The following CCPG1 variants were observed in gnomAD, a reference collection of about 807,000 sequenced individuals.
CCPG1 encodes cell cycle progression 1, also known as cell cycle progression protein 1.
A neutral mutation model predicts 81.3 loss-of-function variants in CCPG1; 46 were observed. The ratio of observed to expected loss-of-function variants is 0.57; its 90% CI spans 0.45 to 0.72. The LOEUF (loss-of-function observed/expected upper bound fraction) is 0.72, where lower values mean the gene tolerates loss of function less well. CCPG1 is among the 30% of genes least tolerant of loss of function. CCPG1 has a pLI of 0.00. For synonymous variants in CCPG1, 330 were observed against 305.2 expected (o/e 1.08, Z -0.85); for missense variants, 902 against 937.6 (o/e 0.96, Z 0.50).
intron 6 of CCPG1, among the ~76,000 whole-genome samples, chr15:55,367,406 T>G (rs1007392184): frequency 2.1e-4 from 31 of 151,052 alleles, no homozygotes; most frequent in Non-Finnish European, 3.8e-4. Context: ...CACTTGGGGG[T>G]TTTTCCTGCA....
chr15:55,378,816 C>G (rs1223628719), intron 3 of CCPG1, among the ~76,000 whole-genome samples: 1 of 152,028 alleles, frequency 6.6e-6, no homozygotes, highest in Non-Finnish European at 1.5e-5. Context: ...AGGCTGGTCT[C>G]GAACTCCTGA....
At chr15:55,361,522 G>A (rs759120568) in intron 7 of CCPG1, among the ~76,000 whole-genome samples, 1 of 151,248 alleles carries the variant, frequency 6.6e-6, no homozygotes, top group Non-Finnish European at 1.5e-5. Context: ...CCTGGCCTAC[G>A]TGGTGAAACC....
Position 55,359,916 on chromosome 15 carries a change from T to C in CCPG1, c.1857A>G (p.Arg619=). Residue 619 remains arginine (R), a synonymous_variant, in exon 8 of 9, where the codon AGA becomes AGG. Coordinates refer to ENST00000442196, the MANE Select transcript of CCPG1 (RefSeq NM_001204450.2). ...CCTTTCTGAAAGAATGAGAATTTTC[T>C]CTACAATCATGCCCAGGACTGCATT... is the stretch of plus-strand genomic sequence containing the variant. The part of the protein sequence containing the change: ...SKKCSPGHDC[R]ENSHSFRKAC... 3 of 1,613,816 alleles carry C rather than the reference T, an allele frequency of 1.9e-6. No homozygotes were observed. The highest frequency in any genetic ancestry group is 2.5e-6 in the Non-Finnish European group (3 of 1,179,992).
intron 6 of CCPG1, 124 bp from the exon 7 acceptor site, chr15:55,365,433 T>G (rs1216124779): frequency 2.2e-4 from 118 of 547,622 alleles, no homozygotes; most frequent in East Asian, 3.8e-4. Context: ...TTTTTTTTTG[T>G]TTTTTTTTTG....
rs762276076 is a variant in CCPG1, at chr15:55,360,025, T to C, written c.1748A>G (p.Asn583Ser). Residue 583 changes from asparagine (N) to serine (S), a missense_variant, in exon 8 of 9, where the codon AAT (asparagine) becomes AGT (serine). Asn to Ser is a conservative substitution (Grantham distance 46). Coordinates refer to ENST00000442196, the MANE Select transcript of CCPG1 (RefSeq NM_001204450.2). ...QYKAPTENHH[N>S]RGPTMQNDGR... ...ATCATTTTGCATAGTAGGGCCTCTA[T>C]TATGATGGTTTTCTGTAGGTGCCTT... 2 of 1,613,610 alleles carry C rather than the reference T, an allele frequency of 1.2e-6. No homozygotes were observed. Among genetic ancestry groups the C allele is most frequent in the South Asian group, 1.1e-5 (1 of 91,022 alleles).
chr15:55,377,763 A>C (rs1209263217), intron 4 of CCPG1, among the ~76,000 whole-genome samples: 1 of 152,216 alleles, frequency 6.6e-6, no homozygotes, highest in Non-Finnish European at 1.5e-5. Context: ...TGTAGCAACA[A>C]AATGCCATTT....
intron 1 of CCPG1, among the ~76,000 whole-genome samples, chr15:55,401,623 G>A (rs939722011): frequency 6.7e-6 from 1 of 149,164 alleles, no homozygotes; most frequent in Admixed American, 6.7e-5. Flanking sequence ...CCGAGACCAC[G>A]CCATTTCACT....
At chr15:55,383,823 A>G (rs1359780684) in intron 3 of CCPG1, among the ~76,000 whole-genome samples, 4 of 152,210 alleles carry the variant, frequency 2.6e-5, no homozygotes, top group Non-Finnish European at 4.4e-5. Context: ...CTTGTTCTGG[A>G]TTAGGCTATG....
intron 5 of CCPG1, chr15:55,373,105 G>A: frequency 6.4e-6 from 3 of 466,200 alleles, no homozygotes; most frequent in South Asian, 1.7e-5. Context: ...AAACTAGTGG[G>A]GAAAATTTGC....
chr15:55,366,661 A>T (rs1278716718), intron 6 of CCPG1, among the ~76,000 whole-genome samples: 1 of 152,058 alleles, frequency 6.6e-6, no homozygotes, highest in East Asian at 1.9e-4. Flanking sequence ...AATCCCAGCT[A>T]CTCGGGAGGC....
At chr15:55,401,789 TTAAGAG>T (rs1188042412) in intron 1 of CCPG1, among the ~76,000 whole-genome samples, 1 of 152,154 alleles carries the variant, frequency 6.6e-6, no homozygotes, top group South Asian at 2.1e-4. Flanking sequence ...CTGCCCAACT[TTAAGAG>T]TAAGTATTCT....
intron 4 of CCPG1, 128 bp downstream of exon 4, chr15:55,378,172 C>T (rs191695785): frequency 1.8e-6 from 1 of 548,072 alleles, no homozygotes; most frequent in East Asian, 3.2e-5. Flanking sequence ...TCTAAGACAT[C>T]TAACTTAGAA....
At chr15:55,378,254 A>T in intron 4 of CCPG1, 46 bp downstream of exon 4, 32 of 1,119,716 alleles carry the variant, frequency 2.9e-5, no homozygotes, top group Non-Finnish European at 4.0e-5. Context: ...ATAGTATTCT[A>T]AGGATACTAT....
At chr15:55,392,210 A>ATTT (rs35816626) in intron 1 of CCPG1, among the ~76,000 whole-genome samples, 1 of 123,008 alleles carries the variant, frequency 8.1e-6, no homozygotes, top group African/African-American at 3.0e-5. Context: ...ATCAGATTTG[A>ATTT]TTTTTTTTTT....
chr15:55,369,935 A>G (rs2056412708), intron 6 of CCPG1, among the ~76,000 whole-genome samples: 1 of 152,198 alleles, frequency 6.6e-6, no homozygotes, highest in African/African-American at 2.4e-5. Context: ...TGTTACCCTC[A>G]TGTTTACTTG....
In CCPG1 at chr15:55,371,860, A is replaced by G. The variant is rs201907238; in HGVS notation, c.639T>C (p.Ser213=). ...SKELSKRQFS[S]GLNKCVILAL... ...CAAGTATAACACACTTATTGAGACC[A>G]CTACTGAACTGACGTTTACTCAACT... The change falls in exon 6 of 9, where the codon AGT becomes AGC. Residue 213 remains serine (S), a synonymous_variant. Transcript: ENST00000442196. 2.7e-4 allele frequency: 440 copies of G among 1,613,910 alleles called. No homozygotes were observed. Among genetic ancestry groups the G allele is most frequent in the Non-Finnish European group, 3.6e-4 (420 of 1,179,892 alleles).
intron 8 of CCPG1, 86 bp from the exon 9 acceptor site, chr15:55,356,495 CTA>C (rs1302846384): frequency 7.6e-7 from 1 of 1,319,580 alleles, no homozygotes; most frequent in East Asian, 2.6e-5. Flanking sequence ...CTCCATTAAT[CTA>C]TGATCTGAAC....
intron 6 of CCPG1, among the ~76,000 whole-genome samples, chr15:55,370,768 T>C (rs1002319972): frequency 3.7e-4 from 56 of 150,712 alleles, no homozygotes; most frequent in Admixed American, 3.3e-4. Flanking sequence ...TCCCAGCTAC[T>C]CAGGAGGCTG....
At chr15:55,399,993 G>C (rs1166536149) in intron 1 of CCPG1, 1 of 151,616 alleles carries the variant, frequency 6.6e-6, no homozygotes, top group Non-Finnish European at 1.5e-5. Flanking sequence ...ACTTTGGGAG[G>C]ATCACTTGAG....
Sources: gnomAD v4.1 joint callset for allele counts (sites outside exome capture counted in the v4.1 genomes callset) on GRCh38, gnomAD v4.1.1 for gene constraint, MANE v1.5 for transcripts, NCBI Gene and HGNC (gene_info 2026-07-23, HGNC 2026-07-21) for gene names.